The following PABPN1 variants were observed in gnomAD, a reference collection of about 807,000 sequenced individuals.
PABPN1 encodes poly(A) binding protein nuclear 1, also known as polyadenylate-binding protein 2.
PABPN1 carries 5 observed loss-of-function variants against 33.4 expected under a neutral mutation model. That is an observed-to-expected ratio of 0.15 (90% CI 0.08 to 0.32). PABPN1 has a LOEUF of 0.32. Among genes scored for constraint, PABPN1 ranks in the 10% least tolerant of loss-of-function variants. The pLI, the probability that PABPN1 is intolerant of heterozygous loss-of-function variation, is 1.00. For synonymous variants in PABPN1, 176 were observed against 170.6 expected (o/e 1.03, Z -0.25); for missense variants, 312 against 425.8 (o/e 0.73, Z 2.35).
chr14:23,321,845 A>C, intron 1 of PABPN1, 25 bp downstream of exon 1: 7 of 1,382,550 alleles, frequency 5.1e-6, no homozygotes, highest in Non-Finnish European at 6.6e-6. Context: ...GCGAGCGAGC[A>C]GGCCGGCGGC....
intron 3 of PABPN1, 35 bp downstream of exon 3, chr14:23,323,101 A>G (rs1888448702): frequency 6.2e-7 from 1 of 1,613,040 alleles, no homozygotes; most frequent in African/African-American, 1.3e-5. Context: ...GTTGGGGGCA[A>G]GTTCTTCTTT....
At chr14:23,324,328 C>T (rs771315390) in intron 6 of PABPN1, 39 bp downstream of exon 6, 30 of 1,605,208 alleles carry the variant, frequency 1.9e-5, no homozygotes, top group African/African-American at 8.0e-5. Context: ...CCCCGCCTCC[C>T]GTGAGCCCCG....
At position 23,321,930 on chromosome 14, in the gene PABPN1, T is replaced by C; in HGVS notation, c.351+110T>C. 3 of 743,954 alleles carry C rather than the reference T, an allele frequency of 4.0e-6. No homozygotes were observed. In the South Asian group the frequency reaches 5.7e-5, roughly 14 times the overall value. 46.1% of individuals were successfully genotyped at this position (743,954 alleles called of 1,614,324 possible). A position where few individuals can be genotyped will look rare whatever the true frequency, so the allele number is the denominator to read the frequency against. On this transcript the variant is annotated intron_variant, in intron 1 of 6. Coordinates refer to ENST00000216727, the MANE Select transcript of PABPN1 (RefSeq NM_004643.4). ...GCGGGGGGTGGGGTTGGGCGGGGAATAACGTGGCTGGGGCCGGGTCGGGCC... is the reference window on the plus strand; with the variant it reads ...GCGGGGGGTGGGGTTGGGCGGGGAACAACGTGGCTGGGGCCGGGTCGGGCC...
Position 23,321,655 on chromosome 14 carries a change from G to A in PABPN1, c.186G>A (p.Leu62=), listed in dbSNP as rs188436762. The A allele has an allele frequency of 0.017, 25,741 of 1,514,546 alleles. 355 individuals carry two copies. The highest frequency in any genetic ancestry group is 0.062 in the South Asian group (5,124 of 83,114). The allele number at this position is 1,514,546 out of a possible 1,614,324, so 93.8% of individuals were successfully genotyped here. A position where few individuals can be genotyped will look rare whatever the true frequency, so the allele number is the denominator to read the frequency against. Reference sequence around the variant, plus strand: ...AACTGGAGCCTGAGGAGCTGCTGCTGGAGCCCGAGCCGGAGCCCGAGCCCG... The same window carrying A: ...AACTGGAGCCTGAGGAGCTGCTGCTAGAGCCCGAGCCGGAGCCCGAGCCCG... ...SEELEPEELL[L]EPEPEPEPEE... The change falls in exon 1 of 7, where the codon CTG becomes CTA. Residue 62 remains leucine (L), a synonymous_variant. Transcript: ENST00000216727.
At chr14:23,323,269 C>G (rs1416140821) in intron 3 of PABPN1, 108 bp from the exon 4 acceptor site, 8 of 1,325,018 alleles carry the variant, frequency 6.0e-6, no homozygotes, top group Non-Finnish European at 8.6e-6. Flanking sequence ...CTCAAATTAC[C>G]AGATTTCATG....
chr14:23,321,853 G>A, intron 1 of PABPN1, 33 bp downstream of exon 1: 1 of 1,424,020 alleles, frequency 7.0e-7, no homozygotes, highest in Non-Finnish European at 9.3e-7. Context: ...GCAGGCCGGC[G>A]GCTGGCCGGC....
Position 23,325,519 on chromosome 14 carries a change from C to T in PABPN1, c.*233C>T. ...AGTGGGGCAGGGGGCTGCTTATTCA[C>T]TCTGGGGATTCGCCATGGACACGTC... is the stretch of plus-strand genomic sequence containing the variant. On this transcript the variant is annotated 3_prime_UTR_variant, in exon 7 of 7. Coordinates refer to ENST00000216727, the MANE Select transcript of PABPN1 (RefSeq NM_004643.4). The T allele has an allele frequency of 1.8e-6, 1 of 568,078 alleles. No homozygotes were observed. Among genetic ancestry groups the T allele is most frequent in the South Asian group, 2.3e-5 (1 of 43,470 alleles). The allele number at this position is 568,078 out of a possible 1,614,324, so 35.2% of individuals were successfully genotyped here. A position where few individuals can be genotyped will look rare whatever the true frequency, so the allele number is the denominator to read the frequency against.
rs751724696 is a variant in PABPN1, at chr14:23,323,970, C to T, written c.647C>T (p.Ala216Val). The part of the protein sequence containing the change: ...DKFSGHPKGF[A>V]YIEFSDKESV... ...ACAATGACAATTCTTTTCAGGTTTG[C>T]GTATATAGAGTTCTCAGACAAAGAG... The change falls in exon 5 of 7, where the codon GCG becomes GTG. Residue 216 changes from alanine (A) to valine (V), a missense_variant. This residue lies in a region of PABPN1 where 77 missense variants were observed against 185.7 expected (regional missense o/e 0.41). Coordinates refer to ENST00000216727, the MANE Select transcript of PABPN1 (RefSeq NM_004643.4). The T allele has an allele frequency of 1.2e-6, 2 of 1,613,962 alleles. No individual in the cohort carries two copies. The highest frequency in any genetic ancestry group is 8.5e-7 in the Non-Finnish European group (1 of 1,180,004).
At position 23,325,175 on chromosome 14, in the gene PABPN1, G is replaced by A. The variant is rs1320608127; in HGVS notation, c.882-72G>A. 7.5e-6 allele frequency: 12 copies of A among 1,601,986 alleles called. No homozygotes were observed. In the East Asian group the frequency reaches 2.5e-4, roughly 33 times the overall value. On this transcript the variant is annotated intron_variant, in intron 6 of 6. Coordinates refer to ENST00000216727, the MANE Select transcript of PABPN1 (RefSeq NM_004643.4). ...TCCCTTCACAGTAACTGGGGCAGGG[G>A]CCTACGGGGAGGGGCTTGTACTGAA...
At position 23,325,441 on chromosome 14, in the gene PABPN1, ATAAC is replaced by A; in HGVS notation, c.*161_*164del. The A allele has an allele frequency of 1.0e-6, 1 of 985,098 alleles. No individual in the cohort carries two copies. Among genetic ancestry groups the A allele is most frequent in the Non-Finnish European group, 1.4e-6 (1 of 690,030 alleles). 61.0% of individuals were successfully genotyped at this position (985,098 alleles called of 1,614,324 possible). The stretch of plus-strand genomic sequence containing the variant: ...ATACTGTGGAAGGGGGGAGAATCCC[ATAAC>A]TAACTGCTGAGGAGGGACCTGCTTT... On this transcript the variant is annotated 3_prime_UTR_variant, in exon 7 of 7. Coordinates refer to ENST00000216727, the MANE Select transcript of PABPN1 (RefSeq NM_004643.4).
In PABPN1 at chr14:23,325,402, T is replaced by A. The variant is rs545879467; in HGVS notation, c.*116T>A. 2.6e-4 allele frequency: 352 copies of A among 1,339,164 alleles called. 1 individual carries two copies. Among genetic ancestry groups the A allele is most frequent in the Non-Finnish European group, 3.3e-4 (327 of 991,422 alleles). 83.0% of individuals were successfully genotyped at this position (1,339,164 alleles called of 1,614,324 possible). ...TGACCTTGATGGAAAAAAAATATTT[T>A]TTAAAAAAAAGATATACTGTGGAAG... On this transcript the variant is annotated 3_prime_UTR_variant, in exon 7 of 7. Coordinates refer to ENST00000216727, the MANE Select transcript of PABPN1 (RefSeq NM_004643.4).
At chr14:23,321,887 C>T in intron 1 of PABPN1, 67 bp downstream of exon 1, 1 of 589,256 alleles carries the variant, frequency 1.7e-6, no homozygotes. Flanking sequence ...GCCCAGAGCT[C>T]GGGCGAGCGG....
chr14:23,324,474 T>G, intron 6 of PABPN1, 185 bp downstream of exon 6: 1 of 729,042 alleles, frequency 1.4e-6, no homozygotes, highest in Non-Finnish European at 2.3e-6. Context: ...CTCATCATCT[T>G]TTCTGCAGTA....
At chr14:23,322,093 C>A in intron 1 of PABPN1, 88 bp from the exon 2 acceptor site, 1 of 1,392,912 alleles carries the variant, frequency 7.2e-7, no homozygotes, top group Non-Finnish European at 1.0e-6. Context: ...CCGAGCATGG[C>A]TGAGGCCGCG....
rs1170742693 is a variant in PABPN1 at position 23,321,580 on chromosome 14, G to A, written c.111G>A (p.Glu37=). 6 of 1,437,666 alleles carry A rather than the reference G, an allele frequency of 4.2e-6. No individual in the cohort carries two copies. In the East Asian group the frequency reaches 1.8e-4, roughly 43 times the overall value. 89.1% of individuals were successfully genotyped at this position (1,437,666 alleles called of 1,614,324 possible). A position where few individuals can be genotyped will look rare whatever the true frequency, so the allele number is the denominator to read the frequency against. The change falls in exon 1 of 7, where the codon GAG becomes GAA. Residue 37 remains glutamate (E), a synonymous_variant. Transcript: ENST00000216727. ...CCGGGGCCGGTGGGGAGGCCGGGGA[G>A]GGGGCCCCGGGGGGCGCAGGGGACT... The part of the protein sequence containing the change: ...LVPGAGGEAG[E]GAPGGAGDYG...
chr14:23,323,608 G>A, intron 4 of PABPN1, 125 bp downstream of exon 4: 1 of 963,814 alleles, frequency 1.0e-6, no homozygotes, highest in South Asian at 1.4e-5. Context: ...TAAGATCATG[G>A]CATTAATGTT....
chr14:23,325,486 G>C lies in PABPN1; in HGVS notation c.*200G>C. 1 of 684,322 alleles carries C rather than the reference G, an allele frequency of 1.5e-6. No homozygotes were observed. Among genetic ancestry groups the C allele is most frequent in the East Asian group, 2.8e-5 (1 of 35,782 alleles). The allele number at this position is 684,322 out of a possible 1,614,324, so 42.4% of individuals were successfully genotyped here. A position where few individuals can be genotyped will look rare whatever the true frequency, so the allele number is the denominator to read the frequency against. Reference sequence around the variant, plus strand: ...GACCTGCTTTGGGGAGTAGGGGAAGGCCCAGGGAGTGGGGCAGGGGGCTGC... The same window carrying C: ...GACCTGCTTTGGGGAGTAGGGGAAGCCCCAGGGAGTGGGGCAGGGGGCTGC... On this transcript the variant is annotated 3_prime_UTR_variant, in exon 7 of 7. Coordinates refer to ENST00000216727, the MANE Select transcript of PABPN1 (RefSeq NM_004643.4).
rs1304703746 is a variant in PABPN1, at chr14:23,324,064, TC to T, written c.729+14del. 5 of 1,614,096 alleles carry T rather than the reference TC, an allele frequency of 3.1e-6. No individual in the cohort carries two copies. The African/African-American group carries it at 6.7e-5, about 22-fold the overall frequency. On this transcript the variant is annotated intron_variant, in intron 5 of 6. Transcript: ENST00000216727. ...GAAGGCAAATCAAGGTAAGCCTATGTCCATTGCTGTTCTAGTTGTGTATAAA... is the reference window on the plus strand; with the variant it reads ...GAAGGCAAATCAAGGTAAGCCTATGTCATTGCTGTTCTAGTTGTGTATAAA...
rs150035782 is a variant in PABPN1 at position 23,323,424 on chromosome 14, C to G, written c.582C>G (p.Gly194=). The G allele has an allele frequency of 1.2e-6, 2 of 1,613,840 alleles. No homozygotes were observed. Among genetic ancestry groups the G allele is most frequent in the African/African-American group, 2.7e-5 (2 of 74,924 alleles). Residue 194 remains glycine (G), a synonymous_variant, in exon 4 of 7, where the codon GGC becomes GGG. Coordinates refer to ENST00000216727, the MANE Select transcript of PABPN1 (RefSeq NM_004643.4). ...TAEELEAHFH[G]CGSVNRVTIL... ...AAGAGCTGGAAGCTCACTTTCATGG[C>G]TGTGGTTCAGTCAACCGTGTTACCA... is the stretch of plus-strand genomic sequence containing the variant.
Sources: gnomAD v4.1 joint callset for allele counts on GRCh38, gnomAD v4.1.1 for gene constraint, gnomAD v4.1.1 regional missense constraint, MANE v1.5 for transcripts, NCBI Gene and HGNC (gene_info 2026-07-23, HGNC 2026-07-21) for gene names.